PRKAR2B: variants seen among roughly 807,000 people sequenced by gnomAD.
PRKAR2B encodes the protein cAMP-dependent protein kinase type II-beta regulatory subunit.
A neutral mutation model predicts 49.9 loss-of-function variants in PRKAR2B; 14 were observed. That is an observed-to-expected ratio of 0.28 (90% CI 0.19 to 0.44). The LOEUF (loss-of-function observed/expected upper bound fraction) is 0.44. Among genes scored for constraint, PRKAR2B ranks in the 20% least tolerant of loss-of-function variants. PRKAR2B has a pLI of 1.00. For synonymous variants in PRKAR2B, 196 were observed against 197.7 expected (o/e 0.99, Z 0.07); for missense variants, 393 against 537.9 (o/e 0.73, Z 2.67).
intron 1 of PRKAR2B, among the ~76,000 whole-genome samples, chr7:107,054,937 T>C (rs577974852): frequency 6.6e-6 from 1 of 152,314 alleles, no homozygotes; most frequent in East Asian, 1.9e-4. Flanking sequence ...ACATTAGGTA[T>C]ATCTCCTAAT....
In PRKAR2B at chr7:107,159,575, C is replaced by T; in HGVS notation, c.1250C>T (p.Thr417Ile). The T allele has an allele frequency of 6.2e-7, 1 of 1,614,040 alleles. No homozygotes were observed. Among genetic ancestry groups the T allele is most frequent in the Non-Finnish European group, 8.5e-7 (1 of 1,179,942 alleles). The change falls in exon 11 of 11, where the codon ACT becomes ATT. Residue 417 changes from threonine to isoleucine, a missense_variant. This residue lies in a region of PRKAR2B where 233 missense variants were observed against 390.4 expected (regional missense o/e 0.60). Coordinates refer to ENST00000265717, the MANE Select transcript of PRKAR2B (RefSeq NM_002736.3). ...ACGAACATGGATATTGTTGAACCCA[C>T]TGCATGAAGCAAAAGTATGGAGCAA... is the stretch of plus-strand genomic sequence containing the variant. ...FGTNMDIVEP[T>I]A
intron 1 of PRKAR2B, among the ~76,000 whole-genome samples, chr7:107,062,974 G>A (rs1450449667): frequency 2.0e-5 from 3 of 151,518 alleles, no homozygotes; most frequent in Non-Finnish European, 4.4e-5. Flanking sequence ...TAATTTATGG[G>A]TTTCAGAAAC....
At chr7:107,121,855 G>A (rs1369652492) in intron 2 of PRKAR2B, 97 bp from the exon 3 acceptor site, 11 of 606,566 alleles carry the variant, frequency 1.8e-5, no homozygotes, top group Middle Eastern at 3.6e-4. Flanking sequence ...TTTTTATACC[G>A]TGGTACTCTT....
chr7:107,124,262 T>C (rs1406947437), intron 3 of PRKAR2B, among the ~76,000 whole-genome samples: 4 of 152,188 alleles, frequency 2.6e-5, no homozygotes, highest in Non-Finnish European at 5.9e-5. Context: ...TAGAAACTGG[T>C]AGAGAAGAGC....
chr7:107,086,484 GT>G (rs1390670008), intron 2 of PRKAR2B, among the ~76,000 whole-genome samples: 1 of 151,164 alleles, frequency 6.6e-6, no homozygotes, highest in Non-Finnish European at 1.5e-5. Context: ...TTTCAGAAAT[GT>G]CTTTTTTTTT....
chr7:107,089,260 T>G (rs1584421554), intron 2 of PRKAR2B, among the ~76,000 whole-genome samples: 1 of 152,266 alleles, frequency 6.6e-6, no homozygotes, highest in Admixed American at 6.5e-5. Context: ...ATATAATAAG[T>G]GGCAGGAAAA....
At chr7:107,128,412 G>T in intron 4 of PRKAR2B, 117 bp downstream of exon 4, 4 of 663,948 alleles carry the variant, frequency 6.0e-6, no homozygotes, top group Non-Finnish European at 1.0e-5. Context: ...TGGGGTGATG[G>T]TAAAGGCCCC....
intron 2 of PRKAR2B, among the ~76,000 whole-genome samples, chr7:107,092,264 TGTGTG>T (rs1366759866): frequency 6.7e-6 from 1 of 149,144 alleles, no homozygotes; most frequent in Non-Finnish European, 1.5e-5. Flanking sequence ...TGTGTGTGTG[TGTGTG>T]CGTGTGTCTG....
In PRKAR2B at chr7:107,110,060, C is replaced by G. The variant is rs559471531; in HGVS notation, c.344-11892C>G. ...ACCAGCACCACCCCTCCACCATCCT[C>G]CAGCAGTGGCCGCATGGTGCAGAGA... On this transcript the variant is annotated intron_variant, in intron 2 of 10. Coordinates refer to ENST00000265717, the MANE Select transcript of PRKAR2B (RefSeq NM_002736.3). Among the ~76,000 whole-genome samples the G allele has an allele frequency of 4.6e-5, 7 of 152,306 alleles. No individual in the cohort carries two copies. In the South Asian group the frequency reaches 1.2e-3, roughly 27 times the overall value.
chr7:107,059,147 A>T (rs778595223), intron 1 of PRKAR2B, among the ~76,000 whole-genome samples: 1 of 152,092 alleles, frequency 6.6e-6, no homozygotes, highest in African/African-American at 2.4e-5. Context: ...AATTAGCCGG[A>T]TGTAATGGCA....
rs1221956214 is a variant in PRKAR2B at position 107,104,162 on chromosome 7, G to C, written c.344-17790G>C. On this transcript the variant is annotated intron_variant, in intron 2 of 10. Transcript: ENST00000265717. ...TTCTCCTGCCTCAGCCTCCCAAGTAGCTAGGACTACAGCTGCATGCCACCA... is the reference window on the plus strand; with the variant it reads ...TTCTCCTGCCTCAGCCTCCCAAGTACCTAGGACTACAGCTGCATGCCACCA... Among the ~76,000 whole-genome samples the C allele has an allele frequency of 3.9e-5, 6 of 152,240 alleles. No homozygotes were observed. The East Asian group carries it at 9.7e-4, about 25-fold the overall frequency.
At chr7:107,064,864 G>GT (rs1215455309) in intron 1 of PRKAR2B, among the ~76,000 whole-genome samples, 14 of 152,178 alleles carry the variant, frequency 9.2e-5, no homozygotes, top group African/African-American at 3.1e-4. Flanking sequence ...TGTATTAAAA[G>GT]TTTGCAAGTT....
intron 1 of PRKAR2B, among the ~76,000 whole-genome samples, chr7:107,060,573 G>A (rs1171852460): frequency 1.3e-5 from 2 of 151,972 alleles, no homozygotes; most frequent in Non-Finnish European, 2.9e-5. Flanking sequence ...GGCTGATTGT[G>A]TTTTTCTTAC....
intron 2 of PRKAR2B, among the ~76,000 whole-genome samples, chr7:107,093,032 G>A (rs916552947): frequency 1.3e-5 from 2 of 152,178 alleles, no homozygotes; most frequent in Non-Finnish European, 2.9e-5. Context: ...GTTCATTCAT[G>A]TTGTAGCGTG....
chr7:107,135,683 A>G (rs1056737566), intron 4 of PRKAR2B, among the ~76,000 whole-genome samples: 2 of 143,890 alleles, frequency 1.4e-5, no homozygotes, highest in African/African-American at 2.4e-5. Flanking sequence ...TATAAGATCA[A>G]TGTGAGGAAA....
At chr7:107,095,964 C>CT (rs763917682) in intron 2 of PRKAR2B, among the ~76,000 whole-genome samples, 1 of 152,044 alleles carries the variant, frequency 6.6e-6, no homozygotes, top group Admixed American at 6.6e-5. Context: ...CTAAAATTCC[C>CT]TTTTTTTGTT....
intron 2 of PRKAR2B, among the ~76,000 whole-genome samples, chr7:107,097,032 G>C (rs7328105): frequency 6.6e-6 from 1 of 152,162 alleles, no homozygotes; most frequent in Non-Finnish European, 1.5e-5. Flanking sequence ...AGGTCTGCTT[G>C]GTGCAGAGCT....
intron 2 of PRKAR2B, among the ~76,000 whole-genome samples, chr7:107,108,133 A>G (rs1018451412): frequency 6.6e-6 from 1 of 152,168 alleles, no homozygotes; most frequent in Non-Finnish European, 1.5e-5. Flanking sequence ...GAAATGCCAA[A>G]AAACCCAGAG....
At chr7:107,148,672 T>C (rs1240063123) in intron 6 of PRKAR2B, among the ~76,000 whole-genome samples, 1 of 152,106 alleles carries the variant, frequency 6.6e-6, no homozygotes, top group African/African-American at 2.4e-5. Context: ...GAAAATAAAT[T>C]TTTCTTTTAA....
Sources: gnomAD v4.1 joint callset for allele counts (sites outside exome capture counted in the v4.1 genomes callset) on GRCh38, gnomAD v4.1.1 for gene constraint, gnomAD v4.1.1 regional missense constraint, MANE v1.5 for transcripts, NCBI Gene and HGNC (gene_info 2026-07-23, HGNC 2026-07-21) for gene names.